The following PRTG variants were observed in gnomAD, a reference collection of about 807,000 sequenced individuals.
The protein encoded by PRTG is immunoglobulin superfamily, DCC subclass, member 5.
A neutral mutation model predicts 122.5 loss-of-function variants in PRTG; 67 were observed. The ratio of observed to expected loss-of-function variants is 0.55; its 90% confidence interval spans 0.45 to 0.67. The LOEUF (loss-of-function observed/expected upper bound fraction) is 0.67, where lower values mean the gene tolerates loss of function less well. Ranked by LOEUF, PRTG falls within the 30% of genes least tolerant of loss-of-function variation. The pLI is 0.00. For missense variants in PRTG, 1,435 were observed against 1,415.4 expected, an observed-to-expected ratio of 1.01 and a Z score of -0.22; for synonymous variants, 554 against 501.1, an observed-to-expected ratio of 1.11 and a Z score of -1.41.
At chr15:55,658,453 C>T (rs1229321933) in intron 11 of PRTG, among the ~76,000 whole-genome samples, 4 of 151,972 alleles carry the variant, frequency 2.6e-5, no homozygotes, top group African/African-American at 9.7e-5. Context: ...GTAGCTGGGA[C>T]TGCAGGTGCA....
chr15:55,662,109 C>G (rs1315666595), intron 11 of PRTG, among the ~76,000 whole-genome samples: 1 of 152,106 alleles, frequency 6.6e-6, no homozygotes, highest in African/African-American at 2.4e-5. Flanking sequence ...GTTGAACTTT[C>G]TTAAAGATGG....
chr15:55,686,232 A>G (rs1221350290), intron 2 of PRTG, among the ~76,000 whole-genome samples: 1 of 152,182 alleles, frequency 6.6e-6, no homozygotes, highest in East Asian at 1.9e-4. Flanking sequence ...TTTATGAAAT[A>G]TAAAGCACTC....
chr15:55,702,747 C>G (rs950139138), intron 2 of PRTG: 2 of 182,722 alleles, frequency 1.1e-5, no homozygotes, highest in Non-Finnish European at 2.1e-5. Flanking sequence ...AGCAGTCACA[C>G]CTCTGCTGAG....
intron 4 of PRTG, among the ~76,000 whole-genome samples, chr15:55,681,057 T>C (rs1034128675): frequency 3.9e-5 from 6 of 152,302 alleles, no homozygotes; most frequent in East Asian, 1.9e-4. Context: ...GGTTCACCCA[T>C]GTTGTTACAT....
chr15:55,619,794 A>C lies in PRTG; in HGVS notation c.*218T>G, dbSNP rs2059156280. On this transcript the variant is annotated 3_prime_UTR_variant, in exon 20 of 20. Transcript: ENST00000389286. ...ATAAAGATATTAAGATTTTCACAAA[A>C]GGCTTTGGTTCCCTGTTCATTGTCC... 1.2e-5 allele frequency: 8 copies of C among 656,236 alleles called. No homozygotes were observed. The highest frequency in any genetic ancestry group is 1.9e-5 in the Non-Finnish European group (8 of 418,086). The allele number at this position is 656,236 out of a possible 1,614,324, so 40.7% of individuals were successfully genotyped here.
At chr15:55,654,751 C>A (rs934474094) in intron 11 of PRTG, among the ~76,000 whole-genome samples, 1 of 152,166 alleles carries the variant, frequency 6.6e-6, no homozygotes, top group Admixed American at 6.5e-5. Context: ...TTCATGACAA[C>A]CAAACTTCCC....
chr15:55,734,082 G>T (rs1447556469), intron 2 of PRTG, among the ~76,000 whole-genome samples: 1 of 152,186 alleles, frequency 6.6e-6, no homozygotes, highest in Non-Finnish European at 1.5e-5. Context: ...ATCGGTATTG[G>T]GAGGGTAGAG....
chr15:55,657,175 A>ACACAG (rs1192738325), intron 11 of PRTG, among the ~76,000 whole-genome samples: 2 of 152,196 alleles, frequency 1.3e-5, no homozygotes, highest in African/African-American at 4.8e-5. Context: ...GAATAGAGAT[A>ACACAG]TGCACAGAAA....
In PRTG at chr15:55,692,380, C is replaced by T. The variant is rs192604634; in HGVS notation, c.398-8449G>A. On this transcript the variant is annotated intron_variant, in intron 2 of 19. Coordinates refer to ENST00000389286, the MANE Select transcript of PRTG (RefSeq NM_173814.6). ...AAAGAGAGGGCGCACAAAAGAGACA[C>T]TGTACACCAAACATCATTTGGCTCA... Among the ~76,000 whole-genome samples the T allele has an allele frequency of 1.4e-3, 214 of 152,270 alleles. 3 individuals are homozygous for T. The highest frequency in any genetic ancestry group is 2.4e-3 in the Non-Finnish European group (160 of 68,014).
chr15:55,624,232 G>T, intron 18 of PRTG, 110 bp downstream of exon 18: 1 of 828,888 alleles, frequency 1.2e-6, no homozygotes, highest in Non-Finnish European at 1.8e-6. Flanking sequence ...TCATTAATAA[G>T]AGTATTGGTA....
At chr15:55,683,606 C>T (rs2059553648) in intron 3 of PRTG, among the ~76,000 whole-genome samples, 181 bp downstream of exon 3, 1 of 152,150 alleles carries the variant, frequency 6.6e-6, no homozygotes, top group African/African-American at 2.4e-5. Flanking sequence ...AACCAGGAAC[C>T]ATGCCCCATG....
chr15:55,636,674 T>C (rs1002808914), intron 15 of PRTG, among the ~76,000 whole-genome samples: 1 of 148,762 alleles, frequency 6.7e-6, no homozygotes, highest in African/African-American at 2.5e-5. Context: ...CGAGACAGAG[T>C]CTTGTTCTTG....
intron 11 of PRTG, among the ~76,000 whole-genome samples, chr15:55,666,509 A>T (rs980995667): frequency 8.5e-5 from 13 of 152,210 alleles, no homozygotes; most frequent in African/African-American, 3.1e-4. Context: ...TTTACTTCTC[A>T]AAGTGGGCAG....
chr15:55,720,325 C>T lies in PRTG; in HGVS notation c.397+20057G>A, dbSNP rs1482547973. On this transcript the variant is annotated intron_variant, in intron 2 of 19. Transcript: ENST00000389286. ...TGAGTTGAGATAGTGCCACTGCACT[C>T]CAGCCTGGGCAATGGGGCGAGACTC... 2.6e-5 allele frequency among the ~76,000 whole-genome samples: 4 copies of T among 152,056 alleles called. No individual in the cohort carries two copies. The East Asian group carries it at 5.8e-4, about 22-fold the overall frequency.
chr15:55,618,016 T>C lies in PRTG; in HGVS notation c.*1996A>G, dbSNP rs1190488762. The C allele has an allele frequency of 1.3e-5, 2 of 152,130 alleles. No individual in the cohort carries two copies. Among genetic ancestry groups the C allele is most frequent in the African/African-American group, 4.8e-5 (2 of 41,410 alleles). The allele number at this position is 152,130 out of a possible 1,614,324, so 9.4% of individuals were successfully genotyped here. On this transcript the variant is annotated 3_prime_UTR_variant, in exon 20 of 20. Transcript: ENST00000389286. ...AAAAAAAATAACACTAGAATAACTT[T>C]AAAAGGAGGTAGTATAAAACAGGAG...
At position 55,704,469 on chromosome 15, in the gene PRTG, C is replaced by T. The variant is rs374760486; in HGVS notation, c.398-20538G>A. ...TGGTTATTTCAAGGACATTTAAAAC[C>T]AATTCAAGAGATACAGTATATTAAA... On this transcript the variant is annotated intron_variant, in intron 2 of 19. Coordinates refer to ENST00000389286, the MANE Select transcript of PRTG (RefSeq NM_173814.6). 1.4e-4 allele frequency among the ~76,000 whole-genome samples: 22 copies of T among 152,252 alleles called. No individual in the cohort carries two copies. In the South Asian group the frequency reaches 4.4e-3, roughly 30 times the overall value.
Position 55,735,533 on chromosome 15 carries a change from C to T in PRTG, c.397+4849G>A, listed in dbSNP as rs573004816. On this transcript the variant is annotated intron_variant, in intron 2 of 19. Transcript: ENST00000389286. ...CAATGACAACAAATCCCAGAGCAAACGACCACTGAGAGTGAGATCCTTTCT... is the reference window on the plus strand; with the variant it reads ...CAATGACAACAAATCCCAGAGCAAATGACCACTGAGAGTGAGATCCTTTCT... Among the ~76,000 whole-genome samples the T allele has an allele frequency of 7.2e-5, 11 of 151,882 alleles. No individual in the cohort carries two copies. The East Asian group carries it at 1.4e-3, about 19-fold the overall frequency.
At chr15:55,638,187 C>T (rs567411614) in intron 14 of PRTG, among the ~76,000 whole-genome samples, 2 of 152,276 alleles carry the variant, frequency 1.3e-5, no homozygotes, top group Non-Finnish European at 2.9e-5. Flanking sequence ...GCTATTCATA[C>T]AGAAATAACT....
chr15:55,620,516 C>T (rs1017335890), intron 19 of PRTG, 147 bp downstream of exon 19: 11 of 1,321,900 alleles, frequency 8.3e-6, no homozygotes, highest in Middle Eastern at 2.7e-4. Context: ...CCTCGCTCTC[C>T]ACAGAGCCAT....
Sources: gnomAD v4.1 joint callset for allele counts (sites outside exome capture counted in the v4.1 genomes callset) on GRCh38, gnomAD v4.1.1 for gene constraint, MANE v1.5 for transcripts, NCBI Gene and HGNC (gene_info 2026-07-23, HGNC 2026-07-21) for gene names.